The following C10orf71 variants were observed in gnomAD, a reference collection of about 807,000 sequenced individuals.
The protein encoded by C10orf71 is cardiac-enriched FHL2-interacting protein.
For synonymous variants in C10orf71, 758 were observed against 726.3 expected, an observed-to-expected ratio of 1.04 and a Z score of -0.70; for missense variants, 1,869 against 1,804.5, an observed-to-expected ratio of 1.04 and a Z score of -0.65.
chr10:49,303,701 C>T (rs1848765838), intron 1 of C10orf71, among the ~76,000 whole-genome samples: 1 of 152,220 alleles, frequency 6.6e-6, no homozygotes, highest in Non-Finnish European at 1.5e-5. Flanking sequence ...TTGAAATAAA[C>T]ATGGTTGTTA....
At chr10:49,313,320 G>C (rs1188357700) in intron 1 of C10orf71, among the ~76,000 whole-genome samples, 1 of 152,168 alleles carries the variant, frequency 6.6e-6, no homozygotes, top group Non-Finnish European at 1.5e-5. Flanking sequence ...ACCATGAGCA[G>C]AGGCCCTGAG....
At chr10:49,297,095 T>G (rs896833513), upstream of C10orf71, among the ~76,000 whole-genome samples, 1 of 152,250 alleles carries the variant, frequency 6.6e-6, no homozygotes, top group East Asian at 1.9e-4. Flanking sequence ...CAAAGCTTGC[T>G]GTTTCTAGGA....
At chr10:49,310,569 T>C (rs1365075118) in intron 1 of C10orf71, among the ~76,000 whole-genome samples, 1 of 152,200 alleles carries the variant, frequency 6.6e-6, no homozygotes, top group African/African-American at 2.4e-5. Flanking sequence ...ACCTAGGAGA[T>C]GGTGACAAGG....
chr10:49,323,915 T>G lies in C10orf71; in HGVS notation c.1370T>G (p.Leu457Arg). The G allele has an allele frequency of 6.2e-7, 1 of 1,613,242 alleles. No individual in the cohort carries two copies. Among genetic ancestry groups the G allele is most frequent in the Non-Finnish European group, 8.5e-7 (1 of 1,179,750 alleles). Residue 457 changes from leucine (L) to arginine (R), a missense_variant, in exon 3 of 3, where the codon CTG becomes CGG. Leu to Arg is a moderately radical substitution (Grantham distance 102). Transcript: ENST00000374144. ...LTPIIPSKHALDSADSQPAER... is the reference protein window; with the variant it reads ...LTPIIPSKHARDSADSQPAER... Reference sequence around the variant, plus strand: ...CCCATCATACCCAGCAAGCACGCCCTGGATTCAGCAGACAGCCAGCCAGCA... The same window carrying G: ...CCCATCATACCCAGCAAGCACGCCCGGGATTCAGCAGACAGCCAGCCAGCA...
intron 1 of C10orf71, among the ~76,000 whole-genome samples, chr10:49,304,926 A>G (rs545367673): frequency 3.9e-5 from 6 of 152,356 alleles, no homozygotes; most frequent in African/African-American, 1.2e-4. Context: ...ACAAGCATCA[A>G]GCTGCTGGGT....
chr10:49,323,681 C>G lies in C10orf71; in HGVS notation c.1136C>G (p.Pro379Arg), dbSNP rs1267557931. Residue 379 changes from proline to arginine, a missense_variant, in exon 3 of 3, where the codon CCC (proline) becomes CGC (arginine). Pro to Arg is a moderately radical substitution (Grantham distance 103, BLOSUM62 -2). Coordinates refer to ENST00000374144, the MANE Select transcript of C10orf71 (RefSeq NM_001135196.2). ...QPDSQEKPAQ[P>R]PWRKPKTGKK... ...GATTCTCAAGAGAAGCCAGCCCAGC[C>G]CCCATGGAGGAAGCCAAAGACTGGC... The G allele has an allele frequency of 6.2e-7, 1 of 1,613,538 alleles. No individual in the cohort carries two copies. The highest frequency in any genetic ancestry group is 2.2e-5 in the East Asian group (1 of 44,892).
At chr10:49,310,949 A>G (rs1848902532) in intron 1 of C10orf71, among the ~76,000 whole-genome samples, 1 of 152,112 alleles carries the variant, frequency 6.6e-6, no homozygotes, top group African/African-American at 2.4e-5. Context: ...TTTATTGTTT[A>G]TTTGAAATTC....
intron 1 of C10orf71, among the ~76,000 whole-genome samples, chr10:49,310,776 AGAT>A (rs10661682): frequency 2.8e-3 from 418 of 148,904 alleles, no homozygotes; most frequent in African/African-American, 7.8e-3. Context: ...TCAGGTAGCC[AGAT>A]GATGATGATG....
intron 2 of C10orf71, among the ~76,000 whole-genome samples, chr10:49,320,617 C>T (rs1156693271): frequency 6.6e-6 from 1 of 152,186 alleles, no homozygotes; most frequent in Non-Finnish European, 1.5e-5. Flanking sequence ...AAGGAGGGAA[C>T]ACCCATGGAA....
In C10orf71 at chr10:49,323,494, C is replaced by A; in HGVS notation, c.949C>A (p.Pro317Thr). 6.2e-7 allele frequency: 1 copy of A among 1,613,614 alleles called. No homozygotes were observed. The highest frequency in any genetic ancestry group is 1.1e-5 in the South Asian group (1 of 91,076). Residue 317 changes from proline to threonine, a missense_variant, in exon 3 of 3, where the codon CCT becomes ACT. Physicochemically the swap from Pro to Thr is conservative, Grantham distance 38. Coordinates refer to ENST00000374144, the MANE Select transcript of C10orf71 (RefSeq NM_001135196.2). ...CACGACCTTGCTAAGAGAACCCTGT[C>A]CTCCTGAGCGCACAGTCTCTCCCTG... ...GDTTLLREPC[P>T]PERTVSPCQV...
Position 49,323,387 on chromosome 10 carries a change from A to G in C10orf71, c.842A>G (p.Asn281Ser), listed in dbSNP as rs1849138525. ...GAAAATAGTGCTTTTGAGTCATGGA[A>G]TGCCCACCAACCAAAGCTGCTGGAG... ...HSENSAFESW[N>S]AHQPKLLERK... The change falls in exon 3 of 3, where the codon AAT (asparagine) becomes AGT (serine). Residue 281 changes from asparagine to serine, a missense_variant. Coordinates refer to ENST00000374144, the MANE Select transcript of C10orf71 (RefSeq NM_001135196.2). The G allele has an allele frequency of 6.2e-7, 1 of 1,613,838 alleles. No individual in the cohort carries two copies. The highest frequency in any genetic ancestry group is 1.3e-5 in the African/African-American group (1 of 74,916).
At chr10:49,299,820 G>A (rs887295027) in intron 1 of C10orf71, among the ~76,000 whole-genome samples, 4 of 152,192 alleles carry the variant, frequency 2.6e-5, no homozygotes, top group Admixed American at 2.6e-4. Context: ...AGGGAGGCTG[G>A]CTTTCTTAGC....
Position 49,323,382 on chromosome 10 carries a change from A to G in C10orf71, c.837A>G (p.Ser279=), listed in dbSNP as rs781292762. The change falls in exon 3 of 3, where the codon TCA becomes TCG. Residue 279 remains serine, a synonymous_variant. Coordinates refer to ENST00000374144, the MANE Select transcript of C10orf71 (RefSeq NM_001135196.2). The part of the protein sequence containing the change: ...FLHSENSAFE[S]WNAHQPKLLE... ...ACAGTGAAAATAGTGCTTTTGAGTC[A>G]TGGAATGCCCACCAACCAAAGCTGC... 1.2e-6 allele frequency: 2 copies of G among 1,614,006 alleles called. No individual in the cohort carries two copies. Among genetic ancestry groups the G allele is most frequent in the African/African-American group, 1.3e-5 (1 of 75,052 alleles).
At chr10:49,299,416 C>G (rs1294166867) in intron 1 of C10orf71, 183 bp downstream of exon 1, 1 of 152,414 alleles carries the variant, frequency 6.6e-6, no homozygotes, top group Non-Finnish European at 1.5e-5. Flanking sequence ...CTCCCATTCC[C>G]GAGGAGGCCT....
Position 49,324,669 on chromosome 10 carries a change from T to C in C10orf71, c.2124T>C (p.Asp708=). The C allele has an allele frequency of 6.2e-7, 1 of 1,612,548 alleles. No homozygotes were observed. Among genetic ancestry groups the C allele is most frequent in the Non-Finnish European group, 8.5e-7 (1 of 1,179,340 alleles). The change falls in exon 3 of 3, where the codon GAT becomes GAC. Residue 708 remains aspartate, a synonymous_variant. Transcript: ENST00000374144. ...FPGPLSPEEE[D]VFYSDSQSDF... ...GGCCCCTCTCTCCTGAGGAGGAAGATGTGTTTTACAGTGACAGCCAATCCG... is the reference window on the plus strand; with the variant it reads ...GGCCCCTCTCTCCTGAGGAGGAAGACGTGTTTTACAGTGACAGCCAATCCG...
chr10:49,322,954 A>G lies in C10orf71; in HGVS notation c.409A>G (p.Asn137Asp), dbSNP rs372930016. The change falls in exon 3 of 3, where the codon AAT (asparagine) becomes GAT (aspartate). Residue 137 changes from asparagine to aspartate, a missense_variant. Coordinates refer to ENST00000374144, the MANE Select transcript of C10orf71 (RefSeq NM_001135196.2). The part of the protein sequence containing the change: ...EVPVSGLRSS[N>D]KPVSKVSTLI... ...GCCAGTTTCCGGCCTAAGGAGCAGC[A>G]ATAAGCCTGTCTCCAAAGTATCAAC... The G allele has an allele frequency of 9.3e-6, 15 of 1,613,878 alleles. No homozygotes were observed. The African/African-American group carries it at 1.9e-4, about 20-fold the overall frequency.
At position 49,324,653 on chromosome 10, in the gene C10orf71, C is replaced by G. The variant is rs1378794478; in HGVS notation, c.2108C>G (p.Ser703Cys). The G allele has an allele frequency of 1.8e-5, 29 of 1,613,476 alleles. No homozygotes were observed. Among genetic ancestry groups the G allele is most frequent in the East Asian group, 6.7e-5 (3 of 44,876 alleles). The change falls in exon 3 of 3, where the codon TCT becomes TGT. Residue 703 changes from serine to cysteine, a missense_variant. Coordinates refer to ENST00000374144, the MANE Select transcript of C10orf71 (RefSeq NM_001135196.2). ...LNQKFFPGPL[S>C]PEEEDVFYSD... ...CAGAAATTCTTCCCAGGGCCCCTCT[C>G]TCCTGAGGAGGAAGATGTGTTTTAC...
chr10:49,298,142 G>T (rs974976306), upstream of C10orf71, among the ~76,000 whole-genome samples: 4 of 152,358 alleles, frequency 2.6e-5, no homozygotes, highest in African/African-American at 9.6e-5. Context: ...CCCAGCTTGG[G>T]GCTGGGACAC....
intron 1 of C10orf71, among the ~76,000 whole-genome samples, chr10:49,312,799 A>C (rs1414589767): frequency 1.3e-5 from 2 of 152,152 alleles, no homozygotes; most frequent in African/African-American, 4.8e-5. Context: ...CCATGGGGGG[A>C]ATTTTACATA....
Sources: allele counts gnomAD v4.1 joint callset (sites outside exome capture counted in the v4.1 genomes callset), GRCh38; gene constraint gnomAD v4.1.1; transcripts MANE v1.5; gene names NCBI Gene and HGNC (gene_info 2026-07-23, HGNC 2026-07-21).